PBX4: variants seen among roughly 807,000 people sequenced by gnomAD.
PBX4 encodes pre-B-cell leukemia transcription factor 4.
A neutral mutation model predicts 35.1 loss-of-function variants in PBX4; 26 were observed. The ratio of observed to expected loss-of-function variants is 0.74; its 90% CI spans 0.54 to 1.03. The LOEUF is 1.03. PBX4 is among the 50% of genes least tolerant of loss of function. The pLI is 0.00. For synonymous variants in PBX4, 199 were observed against 204.2 expected, an observed-to-expected ratio of 0.97 and a Z score of 0.22; for missense variants, 448 against 504.3, an observed-to-expected ratio of 0.89 and a Z score of 1.07.
rs1034664180 is a variant in PBX4 at position 19,570,014 on chromosome 19, C to T, written c.632+95G>A. On this transcript the variant is annotated intron_variant, in intron 4 of 7. Transcript: ENST00000251203. ...AGGCCTCCAACCGTGACTGCAGACA[C>T]AGCCTCCAGGGCTGTCTTCAACCCA... 1.7e-5 allele frequency: 23 copies of T among 1,331,098 alleles called. No homozygotes were observed. The South Asian group carries it at 3.2e-4, about 19-fold the overall frequency. 82.5% of individuals were successfully genotyped at this position (1,331,098 alleles called of 1,614,324 possible).
intron 1 of PBX4, among the ~76,000 whole-genome samples, chr19:19,613,445 CAAAAAAAAAAAAA>C (rs57256131): frequency 0.55 from 62,553 of 113,580 alleles, 14,433 homozygotes; most frequent in African/African-American, 0.59. Context: ...GACTCTGTCT[CAAAAAAAAAAAAA>C]AAAAAAAAAA....
At chr19:19,567,091 T>C (rs180833467) in intron 5 of PBX4, among the ~76,000 whole-genome samples, 4 of 152,304 alleles carry the variant, frequency 2.6e-5, no homozygotes, top group South Asian at 4.1e-4. Context: ...GTTCCAAACA[T>C]AGTGTCTGCC....
At position 19,561,987 on chromosome 19, in the gene PBX4, C is replaced by G. The variant is rs547648306; in HGVS notation, c.*38G>C. On this transcript the variant is annotated 3_prime_UTR_variant, in exon 8 of 8. Coordinates refer to ENST00000251203, the MANE Select transcript of PBX4 (RefSeq NM_025245.3). ...CAAAGCAACGGCTGGCGATACATGG[C>G]AGCTCACGCAGCGCTCTTTCCTGCT... 2.6e-6 allele frequency: 4 copies of G among 1,546,362 alleles called. No homozygotes were observed. The highest frequency in any genetic ancestry group is 1.7e-4 in the Middle Eastern group (1 of 5,928).
intron 5 of PBX4, among the ~76,000 whole-genome samples, chr19:19,568,951 G>A (rs1397332322): frequency 1.3e-5 from 2 of 152,230 alleles, no homozygotes; most frequent in Admixed American, 1.3e-4. Context: ...TTGCACCCCT[G>A]CCTCACAGAT....
At chr19:19,576,665 T>G (rs754771898) in intron 2 of PBX4, among the ~76,000 whole-genome samples, 5 of 152,002 alleles carry the variant, frequency 3.3e-5, no homozygotes, top group Non-Finnish European at 7.4e-5. Flanking sequence ...TTGCCTAGGG[T>G]GGAATATAGT....
At chr19:19,577,734 C>T in intron 2 of PBX4, among the ~76,000 whole-genome samples, 1 of 152,042 alleles carries the variant, frequency 6.6e-6, no homozygotes, top group East Asian at 1.9e-4. Flanking sequence ...TGGCGCGTGC[C>T]TGTAGTCCCC....
chr19:19,579,397 A>G (rs2061439757), intron 2 of PBX4, among the ~76,000 whole-genome samples: 1 of 152,018 alleles, frequency 6.6e-6, no homozygotes, highest in African/African-American at 2.4e-5. Flanking sequence ...GCCTGAGTAG[A>G]CTAAGACAGT....
intron 2 of PBX4, among the ~76,000 whole-genome samples, chr19:19,591,020 G>A (rs757863218): frequency 5.9e-5 from 9 of 152,044 alleles, no homozygotes; most frequent in East Asian, 1.9e-4. Flanking sequence ...ACAGCCCTGC[G>A]TTGAGTATCT....
At position 19,594,344 on chromosome 19, in the gene PBX4, C is replaced by T. The variant is rs570705365; in HGVS notation, c.193+4948G>A. On this transcript the variant is annotated intron_variant, in intron 2 of 7. Transcript: ENST00000251203. The stretch of plus-strand genomic sequence containing the variant: ...TGCTTGAACCTGGGAGGCAGTGAGC[C>T]GAGATTGCGCCATTGCACTCCAGCC... Among the ~76,000 whole-genome samples the T allele has an allele frequency of 3.6e-3, 540 of 149,734 alleles. 3 individuals carry two copies. Among genetic ancestry groups the T allele is most frequent in the Non-Finnish European group, 5.5e-3 (370 of 67,580 alleles).
intron 2 of PBX4, among the ~76,000 whole-genome samples, chr19:19,595,780 G>C (rs1349983595): frequency 6.8e-6 from 1 of 146,228 alleles, no homozygotes; most frequent in Non-Finnish European, 1.5e-5. Flanking sequence ...CTGCTTGGCT[G>C]GGGGATTAAG....
chr19:19,589,617 A>T (rs2061513843), intron 2 of PBX4, among the ~76,000 whole-genome samples: 1 of 151,898 alleles, frequency 6.6e-6, no homozygotes, highest in African/African-American at 2.4e-5. Context: ...TAAAAATACA[A>T]AAATTAGTTG....
At chr19:19,608,347 C>T in intron 1 of PBX4, 1 of 144,088 alleles carries the variant, frequency 6.9e-6, no homozygotes, top group South Asian at 2.2e-4. Context: ...GAGACCCTGT[C>T]TCAAAAAAAA....
At chr19:19,589,919 C>T (rs556396700) in intron 2 of PBX4, among the ~76,000 whole-genome samples, 13 of 152,216 alleles carry the variant, frequency 8.5e-5, no homozygotes, top group African/African-American at 2.9e-4. Context: ...AGTGCAAGCA[C>T]ACAAGACAGT....
Position 19,569,467 on chromosome 19 carries a change from GC to G in PBX4, c.749del (p.Gly250AlafsTer130). On this transcript the variant is annotated frameshift_variant, in exon 5 of 8. Coordinates refer to ENST00000251203, the MANE Select transcript of PBX4 (RefSeq NM_025245.3). LOFTEE classifies it high-confidence loss of function. ...ACGTCACCTGGGAGATGGTGAGGCC[GC>G]CCTTCCTGGCCAGCTCTTCTTTGGC... ...EEAKEELARK[G>X]GLTISQVSNW... 6.2e-7 allele frequency: 1 copy of G among 1,611,716 alleles called. No homozygotes were observed. Among genetic ancestry groups the G allele is most frequent in the Non-Finnish European group, 8.5e-7 (1 of 1,178,928 alleles).
At chr19:19,599,539 C>T (rs562662204) in intron 1 of PBX4, among the ~76,000 whole-genome samples, 174 bp from the exon 2 acceptor site, 4 of 152,062 alleles carry the variant, frequency 2.6e-5, no homozygotes, top group African/African-American at 9.6e-5. Flanking sequence ...ATTTGATTTG[C>T]ACAAAATCAA....
At chr19:19,580,420 G>C (rs1470840536) in intron 2 of PBX4, among the ~76,000 whole-genome samples, 1 of 152,138 alleles carries the variant, frequency 6.6e-6, no homozygotes, top group Non-Finnish European at 1.5e-5. Context: ...CTGGCCTCCT[G>C]ACCAGTGACC....
chr19:19,572,200 G>A (rs985218759), intron 2 of PBX4, among the ~76,000 whole-genome samples: 1 of 148,690 alleles, frequency 6.7e-6, no homozygotes, highest in Admixed American at 6.7e-5. Flanking sequence ...TCAGCCTCCC[G>A]AGTAGCTGGG....
chr19:19,603,334 CAG>C (rs1449392155), intron 1 of PBX4, among the ~76,000 whole-genome samples: 3 of 151,830 alleles, frequency 2.0e-5, no homozygotes, highest in Non-Finnish European at 4.4e-5. Context: ...CTTTTTGAGA[CAG>C]AGTCTTACTC....
chr19:19,604,612 T>TG (rs2061618491), intron 1 of PBX4, among the ~76,000 whole-genome samples: 1 of 176 alleles, frequency 5.7e-3, no homozygotes, highest in African/African-American at 0.022. Context: ...TTTTAATTTT[T>TG]ATTTTTGAGA....
Sources: gnomAD v4.1 joint callset for allele counts (sites outside exome capture counted in the v4.1 genomes callset) on GRCh38, gnomAD v4.1.1 for gene constraint, MANE v1.5 for transcripts, NCBI Gene and HGNC (gene_info 2026-07-23, HGNC 2026-07-21) for gene names.